MIS18A: variants seen among roughly 807,000 people sequenced by gnomAD.
The protein encoded by MIS18A is MIS18 kinetochore protein A, also known as protein Mis18-alpha.
A neutral mutation model predicts 25.0 loss-of-function variants in MIS18A; 14 were observed. The ratio of observed to expected loss-of-function variants is 0.56; its 90% confidence interval spans 0.37 to 0.88. MIS18A has a LOEUF of 0.88. MIS18A is among the 40% of genes least tolerant of loss of function. The pLI, the probability that MIS18A is intolerant of heterozygous loss-of-function variation, is 0.00. For synonymous variants in MIS18A, 134 were observed against 118.6 expected (o/e 1.13, Z -0.84); for missense variants, 292 against 290.8 (o/e 1.00, Z -0.03).
chr21:32,205,847 T>C, the MIS18A span, among the ~76,000 whole-genome samples: 1 of 151,952 alleles, frequency 6.6e-6, no homozygotes, highest in African/African-American at 2.4e-5. Flanking sequence ...AAAGGAGAGG[T>C]AAGGTTCAAG....
chr21:32,229,908 C>A, the MIS18A span, among the ~76,000 whole-genome samples: 2 of 152,104 alleles, frequency 1.3e-5, no homozygotes, highest in Non-Finnish European at 2.9e-5. Context: ...TTAAGTTATC[C>A]CTTCTTGTTC....
the MIS18A span, among the ~76,000 whole-genome samples, chr21:32,192,928 G>A: frequency 6.6e-6 from 1 of 152,136 alleles, no homozygotes; most frequent in East Asian, 1.9e-4. Context: ...GAGGTTGACC[G>A]TTATCCCCAT....
chr21:32,217,987 A>G, the MIS18A span, among the ~76,000 whole-genome samples: 1 of 151,886 alleles, frequency 6.6e-6, no homozygotes, highest in African/African-American at 2.4e-5. Context: ...AGGTCAGGAG[A>G]TCGATACCAT....
the MIS18A span, among the ~76,000 whole-genome samples, chr21:32,195,552 T>C: frequency 4.6e-5 from 7 of 152,216 alleles, no homozygotes; most frequent in Non-Finnish European, 1.0e-4. Flanking sequence ...GATAGGCACT[T>C]GACCTGGACC....
chr21:32,177,255 C>T, the MIS18A span, among the ~76,000 whole-genome samples: 2 of 152,162 alleles, frequency 1.3e-5, no homozygotes, highest in African/African-American at 4.8e-5. Context: ...AATTTCATCT[C>T]TATTCATGGT....
intron 1 of MIS18A, 26 bp downstream of exon 1, chr21:32,278,655 C>T (rs753332692): frequency 2.1e-5 from 32 of 1,491,836 alleles, no homozygotes; most frequent in East Asian, 7.3e-5. Context: ...CCCCACGCCC[C>T]CCCTGCCCGG....
At chr21:32,183,001 T>C in the MIS18A span, among the ~76,000 whole-genome samples, 1 of 152,170 alleles carries the variant, frequency 6.6e-6, no homozygotes, top group Non-Finnish European at 1.5e-5. Context: ...CCATTTCTTC[T>C]GGGGATTAGT....
chr21:32,197,754 G>A, the MIS18A span: 1 of 152,216 alleles, frequency 6.6e-6, no homozygotes, highest in South Asian at 2.1e-4. Context: ...TTAAATCAAG[G>A]AAAGATAAAA....
downstream of MIS18A, among the ~76,000 whole-genome samples, chr21:32,264,981 A>T (rs867977373): frequency 6.6e-6 from 1 of 152,178 alleles, no homozygotes; most frequent in Non-Finnish European, 1.5e-5. Flanking sequence ...CAGTTACAAC[A>T]ATCTTTAAAG....
the MIS18A span, among the ~76,000 whole-genome samples, chr21:32,211,910 T>C: frequency 6.6e-6 from 1 of 152,178 alleles, no homozygotes; most frequent in Non-Finnish European, 1.5e-5. Context: ...AAGACTCCAT[T>C]TTCTCCCCTC....
At chr21:32,155,952 GA>G in the MIS18A span, among the ~76,000 whole-genome samples, 19 of 149,964 alleles carry the variant, frequency 1.3e-4, no homozygotes, top group East Asian at 5.9e-4. Flanking sequence ...CAATTGTTAG[GA>G]AAAAAAAAAC....
At chr21:32,257,585 C>T in the MIS18A span, among the ~76,000 whole-genome samples, 1 of 152,320 alleles carries the variant, frequency 6.6e-6, no homozygotes, top group African/African-American at 2.4e-5. Flanking sequence ...CATTTCAAAT[C>T]AATACCTAAT....
chr21:32,218,602 T>G, the MIS18A span, among the ~76,000 whole-genome samples: 2 of 152,168 alleles, frequency 1.3e-5, no homozygotes, highest in Non-Finnish European at 2.9e-5. Flanking sequence ...TCCTAGCTTG[T>G]CATAAATTAA....
chr21:32,207,717 T>C, the MIS18A span, among the ~76,000 whole-genome samples: 2 of 152,250 alleles, frequency 1.3e-5, no homozygotes, highest in African/African-American at 2.4e-5. Context: ...ACCATAAATA[T>C]AAAGGTCTTG....
the MIS18A span, among the ~76,000 whole-genome samples, chr21:32,190,618 C>T: frequency 1.2e-4 from 19 of 152,286 alleles, no homozygotes; most frequent in Admixed American, 2.6e-4. Flanking sequence ...GCTTCCATAG[C>T]GATGAAGCAC....
At chr21:32,188,580 A>T in the MIS18A span, among the ~76,000 whole-genome samples, 9 of 152,170 alleles carry the variant, frequency 5.9e-5, no homozygotes, top group Non-Finnish European at 7.4e-5. Flanking sequence ...TTATTCCCTT[A>T]GTGAATATTT....
the MIS18A span, among the ~76,000 whole-genome samples, chr21:32,246,333 AG>A: frequency 1.3e-5 from 2 of 152,180 alleles, no homozygotes; most frequent in South Asian, 4.1e-4. Flanking sequence ...AGAACCAGCC[AG>A]GTGTAGACCT....
At chr21:32,249,489 T>C in the MIS18A span, among the ~76,000 whole-genome samples, 1 of 152,212 alleles carries the variant, frequency 6.6e-6, no homozygotes, top group Admixed American at 6.5e-5. Context: ...AGCCATGGAT[T>C]CCAGCCTCAG....
the MIS18A span, among the ~76,000 whole-genome samples, chr21:32,217,701 C>A: frequency 6.6e-6 from 1 of 152,060 alleles, no homozygotes; most frequent in Non-Finnish European, 1.5e-5. Context: ...AAAAGAGAAT[C>A]TTGAGAGCAG....
Sources: allele counts gnomAD v4.1 joint callset (sites outside exome capture counted in the v4.1 genomes callset), GRCh38; gene constraint gnomAD v4.1.1; transcripts MANE v1.5; gene names NCBI Gene and HGNC (gene_info 2026-07-23, HGNC 2026-07-21).